Variants in DAB1 observed in about 807,000 individuals in gnomAD.
DAB1 encodes the protein DAB adaptor protein 1.
DAB1 carries 15 observed loss-of-function variants against 64.6 expected under a neutral mutation model. The ratio of observed to expected loss-of-function variants is 0.23; its 90% CI spans 0.16 to 0.36. DAB1 has a LOEUF of 0.36. Ranked by LOEUF, DAB1 falls within the 10% of genes least tolerant of loss-of-function variation. DAB1 has a pLI of 1.00. For synonymous variants in DAB1, 235 were observed against 251.9 expected, an observed-to-expected ratio of 0.93 and a Z score of 0.64; for missense variants, 596 against 706.7, an observed-to-expected ratio of 0.84 and a Z score of 1.78.
intron 2 of DAB1, among the ~76,000 whole-genome samples, chr1:57,265,006 C>T (rs1410435912): frequency 6.6e-6 from 1 of 152,158 alleles, no homozygotes; most frequent in Non-Finnish European, 1.5e-5. Flanking sequence ...GGAGGTTTCA[C>T]CTTGAATTTA....
At chr1:58,325,991 C>T (rs1323497139) in intron 4 of DAB1, among the ~76,000 whole-genome samples, 1 of 152,176 alleles carries the variant, frequency 6.6e-6, no homozygotes, top group African/African-American at 2.4e-5. Flanking sequence ...GGCCACCCCA[C>T]CCTGCTCCAC....
At chr1:57,730,192 T>C (rs1273931673) in intron 6 of DAB1, among the ~76,000 whole-genome samples, 3 of 152,240 alleles carry the variant, frequency 2.0e-5, no homozygotes, top group Admixed American at 2.0e-4. Flanking sequence ...CAGGACAATG[T>C]CACATAGGTG....
In DAB1 at chr1:58,107,346, C is replaced by CT. The variant is rs374106593; in HGVS notation, n.387+43164dup. Among the ~76,000 whole-genome samples the CT allele has an allele frequency of 3.4e-3, 510 of 150,518 alleles. 21 individuals carry two copies. In the East Asian group the frequency reaches 0.084, roughly 25 times the overall value. On this transcript the variant is annotated intron_variant and non_coding_transcript_variant, in intron 5 of 20. Transcript: ENST00000485760. ...AGTAGCTGGGCGTGGTGGTGGGCAC[C>CT]TGTAATCCCCGCTACTCGGGAGGCT... is the stretch of plus-strand genomic sequence containing the variant.
rs375138383 is a variant in DAB1, at chr1:58,055,199, A to G, written n.387+95312T>C. Among the ~76,000 whole-genome samples, 369 of 152,314 alleles carry G rather than the reference A, an allele frequency of 2.4e-3. 12 individuals carry two copies. The South Asian group carries it at 0.073, about 30-fold the overall frequency. ...CAGAACACAGACCTTCAAAGATCAC[A>G]GGATCTGCAGATCTGGCTCCTGTTA... On this transcript the variant is annotated intron_variant and non_coding_transcript_variant, in intron 5 of 20. Transcript: ENST00000485760.
intron 7 of DAB1, among the ~76,000 whole-genome samples, chr1:57,465,734 C>T (rs1686934605): frequency 6.6e-6 from 1 of 152,074 alleles, no homozygotes; most frequent in Admixed American, 6.5e-5. Flanking sequence ...CCAGGAGGAG[C>T]TTAATCTGTA....
At chr1:57,945,674 A>G (rs970962469) in intron 5 of DAB1, among the ~76,000 whole-genome samples, 9 of 152,156 alleles carry the variant, frequency 5.9e-5, no homozygotes, top group African/African-American at 2.2e-4. Flanking sequence ...ACTGATACTT[A>G]TCTTGGAGAA....
intron 7 of DAB1, among the ~76,000 whole-genome samples, chr1:57,600,577 CGG>C (rs1645565640): frequency 6.6e-6 from 1 of 152,086 alleles, no homozygotes; most frequent in Admixed American, 6.5e-5. Flanking sequence ...CCTGGGGGGT[CGG>C]GATGGGTTAA....
At chr1:57,794,204 C>T (rs1051740704) in intron 6 of DAB1, among the ~76,000 whole-genome samples, 2 of 152,206 alleles carry the variant, frequency 1.3e-5, no homozygotes, top group African/African-American at 2.4e-5. Flanking sequence ...GCTTCTATCA[C>T]AATCCAACTT....
intron 7 of DAB1, among the ~76,000 whole-genome samples, chr1:57,643,167 G>T (rs866797850): frequency 2.0e-5 from 3 of 152,120 alleles, no homozygotes; most frequent in Non-Finnish European, 2.9e-5. Flanking sequence ...TGCCAATTAC[G>T]GAGATTTTTC....
intron 6 of DAB1, among the ~76,000 whole-genome samples, chr1:57,789,327 T>C (rs944824482): frequency 3.3e-5 from 5 of 152,032 alleles, no homozygotes; most frequent in African/African-American, 1.2e-4. Context: ...GGAGAGATGG[T>C]AGGAAACAGA....
chr1:58,196,303 G>A (rs1342742401), intron 4 of DAB1, among the ~76,000 whole-genome samples: 2 of 152,214 alleles, frequency 1.3e-5, no homozygotes, highest in Non-Finnish European at 2.9e-5. Flanking sequence ...AGGGTCCCAG[G>A]AGGAAACAGG....
At chr1:57,184,487 C>T (rs1663322093) in intron 2 of DAB1, among the ~76,000 whole-genome samples, 1 of 152,074 alleles carries the variant, frequency 6.6e-6, no homozygotes, top group Non-Finnish European at 1.5e-5. Context: ...CTGTGGCTTC[C>T]CATAGGATAA....
chr1:58,531,457 T>C (rs1186047143), intron 1 of DAB1, among the ~76,000 whole-genome samples: 2 of 152,204 alleles, frequency 1.3e-5, no homozygotes, highest in African/African-American at 4.8e-5. Context: ...AGTAGTAATA[T>C]CTAAGTTTAA....
intron 2 of DAB1, among the ~76,000 whole-genome samples, chr1:57,148,440 T>C (rs1659354371): frequency 6.6e-6 from 1 of 152,238 alleles, no homozygotes; most frequent in South Asian, 2.1e-4. Context: ...TGAGTACATC[T>C]TGAGCAAGGT....
At chr1:58,107,209 C>T (rs1337955992) in intron 5 of DAB1, among the ~76,000 whole-genome samples, 1 of 151,308 alleles carries the variant, frequency 6.6e-6, no homozygotes, top group Non-Finnish European at 1.5e-5. Context: ...GTCTGTTATC[C>T]CAGCACTTTG....
At chr1:57,926,925 T>A (rs1644887889) in intron 5 of DAB1, among the ~76,000 whole-genome samples, 1 of 152,212 alleles carries the variant, frequency 6.6e-6, no homozygotes, top group African/African-American at 2.4e-5. Context: ...CAGAACAGCA[T>A]TCTGGATTCT....
chr1:57,282,222 G>T (rs1671975591), intron 2 of DAB1, among the ~76,000 whole-genome samples: 1 of 145,216 alleles, frequency 6.9e-6, no homozygotes, highest in African/African-American at 2.5e-5. Context: ...ACAGGTGACT[G>T]AGTTTTGAAG....
intron 4 of DAB1, among the ~76,000 whole-genome samples, chr1:57,127,864 C>T (rs1657274463): frequency 6.6e-6 from 1 of 152,110 alleles, no homozygotes; most frequent in Non-Finnish European, 1.5e-5. Context: ...AATACAACTC[C>T]TGTCCGGGCG....
At chr1:57,393,713 G>T (rs559797634) in intron 1 of DAB1, among the ~76,000 whole-genome samples, 18 of 152,154 alleles carry the variant, frequency 1.2e-4, no homozygotes, top group African/African-American at 3.6e-4. Flanking sequence ...CCACCGGTGG[G>T]CCAAATCTGG....
Sources: gnomAD v4.1 joint callset for allele counts (sites outside exome capture counted in the v4.1 genomes callset) on GRCh38, gnomAD v4.1.1 for gene constraint, MANE v1.5 for transcripts, NCBI Gene and HGNC (gene_info 2026-07-23, HGNC 2026-07-21) for gene names.